The following EYA2 variants were observed in gnomAD, a reference collection of about 807,000 sequenced individuals.
EYA2 encodes the protein protein phosphatase EYA2.
A neutral mutation model predicts 69.2 loss-of-function variants in EYA2; 31 were observed. That is an observed-to-expected ratio of 0.45 (90% CI 0.34 to 0.60). The LOEUF is 0.60. EYA2 is among the 20% of genes least tolerant of loss of function. EYA2 has a pLI of 0.02. For missense variants in EYA2, 622 were observed against 701.2 expected, an observed-to-expected ratio of 0.89 and a Z score of 1.28; for synonymous variants, 257 against 279.4, an observed-to-expected ratio of 0.92 and a Z score of 0.80.
rs1980089847 is a variant in EYA2, at chr20:46,970,775, C to CA, written c.-10-19225dup. Among the ~76,000 whole-genome samples, 2 of 152,078 alleles carry CA rather than the reference C, an allele frequency of 1.3e-5. 1 individual carries two copies. The highest frequency in any genetic ancestry group is 4.2e-4 in the South Asian group (2 of 4,818). ...TAAATGGAAATAAAAACAAACACAA[C>CA]AGAGTTTTTGTTAAACCATTATGTT... On this transcript the variant is annotated intron_variant, in intron 1 of 15. Transcript: ENST00000327619.
chr20:47,000,557 C>T (rs1435661630), intron 2 of EYA2, among the ~76,000 whole-genome samples: 1 of 152,226 alleles, frequency 6.6e-6, no homozygotes, highest in Non-Finnish European at 1.5e-5. Context: ...GTCCAGGACT[C>T]TGCAGTGAGG....
At position 46,894,969 on chromosome 20, in the gene EYA2, G is replaced by T. The variant is rs550561620; in HGVS notation, c.-29G>T. 3 of 151,520 alleles carry T rather than the reference G, an allele frequency of 2.0e-5. No individual in the cohort carries two copies. Among genetic ancestry groups the T allele is most frequent in the Admixed American group, 2.0e-4 (3 of 15,184 alleles). 9.4% of individuals were successfully genotyped at this position (151,520 alleles called of 1,614,324 possible). A position where few individuals can be genotyped will look rare whatever the true frequency, so the allele number is the denominator to read the frequency against. On this transcript the variant is annotated 5_prime_UTR_variant, in exon 1 of 16. Coordinates refer to ENST00000327619, the MANE Select transcript of EYA2 (RefSeq NM_005244.5). ...CCGCCCGCCCGCACCGCGTCGGGGC[G>T]CCCTCTCCACTGCGCGCGGTGAGTA... is the stretch of plus-strand genomic sequence containing the variant.
chr20:46,914,897 G>GT (rs1984826352), intron 1 of EYA2, among the ~76,000 whole-genome samples: 1 of 152,224 alleles, frequency 6.6e-6, no homozygotes, highest in Non-Finnish European at 1.5e-5. Context: ...GAATTAGAAA[G>GT]TTGGGTTCAG....
chr20:47,168,635 T>C (rs1406784274), intron 10 of EYA2, among the ~76,000 whole-genome samples: 6 of 151,748 alleles, frequency 4.0e-5, no homozygotes, highest in Non-Finnish European at 2.9e-5. Context: ...TGATCACAGA[T>C]CATGAGGCAC....
intron 5 of EYA2, among the ~76,000 whole-genome samples, chr20:47,032,757 G>T (rs929667726): frequency 1.3e-5 from 2 of 152,146 alleles, no homozygotes; most frequent in African/African-American, 4.8e-5. Flanking sequence ...GGGTTTATAG[G>T]AGTAGCTTTT....
intron 4 of EYA2, among the ~76,000 whole-genome samples, chr20:47,013,930 G>A (rs970924037): frequency 2.6e-5 from 4 of 152,172 alleles, no homozygotes; most frequent in African/African-American, 9.7e-5. Flanking sequence ...TTATTGAGAA[G>A]CATCAAGGTA....
chr20:46,992,249 A>G (rs1981724446), intron 2 of EYA2, among the ~76,000 whole-genome samples: 1 of 151,996 alleles, frequency 6.6e-6, no homozygotes, highest in African/African-American at 2.4e-5. Flanking sequence ...AATCTTCACA[A>G]CTCTAAAAAG....
intron 9 of EYA2, among the ~76,000 whole-genome samples, chr20:47,098,062 GT>G (rs2032304673): frequency 6.6e-6 from 1 of 152,202 alleles, no homozygotes; most frequent in Non-Finnish European, 1.5e-5. Context: ...AGCTGCTCAT[GT>G]TTTTTATGGG....
At chr20:47,155,827 T>A (rs1289852616) in intron 10 of EYA2, among the ~76,000 whole-genome samples, 3 of 150,396 alleles carry the variant, frequency 2.0e-5, no homozygotes, top group Non-Finnish European at 4.4e-5. Flanking sequence ...GAGAATAGAG[T>A]TTGAGATGAA....
intron 1 of EYA2, among the ~76,000 whole-genome samples, chr20:46,969,383 G>A (rs553041732): frequency 7.2e-5 from 11 of 152,168 alleles, no homozygotes; most frequent in African/African-American, 2.6e-4. Flanking sequence ...GTGCCCGGCC[G>A]ATTGCCAGGA....
chr20:47,064,182 C>T (rs1414411689), intron 5 of EYA2, among the ~76,000 whole-genome samples: 2 of 152,202 alleles, frequency 1.3e-5, no homozygotes, highest in South Asian at 2.1e-4. Context: ...ATCTCAAACT[C>T]CTGGGCTCAA....
At chr20:47,186,977 T>A (rs2034655425) in intron 15 of EYA2, among the ~76,000 whole-genome samples, 1 of 152,080 alleles carries the variant, frequency 6.6e-6, no homozygotes, top group African/African-American at 2.4e-5. Context: ...GAAAATCAGT[T>A]GAGCCCAAGA....
intron 4 of EYA2, among the ~76,000 whole-genome samples, chr20:47,015,028 C>CTGTTTATATT (rs1258726436): frequency 1.5e-4 from 23 of 152,134 alleles, no homozygotes; most frequent in African/African-American, 5.5e-4. Flanking sequence ...TAGAATACTC[C>CTGTTTATATT]TGTTTATATT....
chr20:47,144,764 G>A (rs2033667640), intron 10 of EYA2, among the ~76,000 whole-genome samples: 1 of 152,166 alleles, frequency 6.6e-6, no homozygotes, highest in South Asian at 2.1e-4. Context: ...AGAGAGCTTT[G>A]GAGCAATGGA....
chr20:46,918,117 G>A (rs1218462877), intron 1 of EYA2, among the ~76,000 whole-genome samples: 7 of 152,048 alleles, frequency 4.6e-5, no homozygotes. Context: ...TCAGGAGATC[G>A]AGACCATCCT....
intron 1 of EYA2, chr20:46,978,767 T>G: frequency 3.9e-6 from 2 of 518,414 alleles, no homozygotes; most frequent in East Asian, 5.6e-5. Flanking sequence ...GGATGGTGGC[T>G]TGGACCTGGG....
intron 9 of EYA2, among the ~76,000 whole-genome samples, chr20:47,133,446 A>G (rs1007544504): frequency 6.6e-6 from 1 of 152,230 alleles, no homozygotes; most frequent in African/African-American, 2.4e-5. Flanking sequence ...GTGACTGCTC[A>G]TTCTCAGAGA....
At chr20:47,067,428 CAAA>C (rs2031154333) in intron 5 of EYA2, among the ~76,000 whole-genome samples, 1 of 152,012 alleles carries the variant, frequency 6.6e-6, no homozygotes, top group Admixed American at 6.6e-5. Context: ...TGTACATTCT[CAAA>C]TAACTGGAAG....
intron 1 of EYA2, among the ~76,000 whole-genome samples, chr20:46,948,578 G>A (rs1222172471): frequency 1.3e-5 from 2 of 152,158 alleles, no homozygotes; most frequent in Non-Finnish European, 2.9e-5. Flanking sequence ...GGTTAGTGCT[G>A]AGTAAACATT....
Sources: gnomAD v4.1 joint callset for allele counts (sites outside exome capture counted in the v4.1 genomes callset) on GRCh38, gnomAD v4.1.1 for gene constraint, MANE v1.5 for transcripts, NCBI Gene and HGNC (gene_info 2026-07-23, HGNC 2026-07-21) for gene names.